SLC24A2: variants seen among roughly 807,000 people sequenced by gnomAD.
SLC24A2 encodes sodium/potassium/calcium exchanger 2.
SLC24A2 carries 36 observed loss-of-function variants against 62.0 expected under a neutral mutation model. The ratio of observed to expected loss-of-function variants is 0.58; its 90% CI spans 0.44 to 0.77. The LOEUF (loss-of-function observed/expected upper bound fraction) is 0.77, where lower values mean the gene tolerates loss of function less well. Among genes scored for constraint, SLC24A2 ranks in the 30% least tolerant of loss-of-function variants. The probability of loss-of-function intolerance (pLI) is 0.00; values close to 1 mark genes in which losing one functional copy is unlikely to be tolerated. For synonymous variants in SLC24A2, 358 were observed against 294.0 expected, an observed-to-expected ratio of 1.22 and a Z score of -2.23; for missense variants, 846 against 817.9, an observed-to-expected ratio of 1.03 and a Z score of -0.42.
chr9:20,280,627 G>A, the SLC24A2 span, among the ~76,000 whole-genome samples: 2 of 152,084 alleles, frequency 1.3e-5, no homozygotes, highest in Admixed American at 6.5e-5. Context: ...TATGAACTTG[G>A]GCCCCTGTAC....
the SLC24A2 span, among the ~76,000 whole-genome samples, chr9:20,004,092 A>G: frequency 6.6e-6 from 1 of 152,128 alleles, no homozygotes; most frequent in Non-Finnish European, 1.5e-5. Context: ...TCTTTCACAT[A>G]CAGAATACTG....
the SLC24A2 span, among the ~76,000 whole-genome samples, chr9:20,178,433 C>T: frequency 3.3e-5 from 5 of 152,152 alleles, no homozygotes; most frequent in Non-Finnish European, 5.9e-5. Context: ...TGCTCCCCCA[C>T]ATGTCAACAT....
the SLC24A2 span, among the ~76,000 whole-genome samples, chr9:20,051,657 C>CTTTTTTTTTTTTTTT: frequency 2.3e-3 from 167 of 73,482 alleles, 13 homozygotes; most frequent in African/African-American, 4.2e-3. Context: ...TTTTCTTTCT[C>CTTTTTTTTTTTTTTT]TTTTTTTTTT....
intron 10 of SLC24A2, 121 bp downstream of exon 10, chr9:19,520,773 A>G: frequency 1.1e-6 from 1 of 874,052 alleles, no homozygotes; most frequent in Non-Finnish European, 1.9e-6. Flanking sequence ...CTCAATCTTT[A>G]CTCTGTATTG....
In SLC24A2 at chr9:19,786,869, T is replaced by C; in HGVS notation, c.-3A>G. On this transcript the variant is annotated 5_prime_UTR_variant, in exon 2 of 11. Transcript: ENST00000341998. The surrounding 1 kb of genome is among the most constrained non-coding windows in gnomAD (Gnocchi z 5.0). ...GTGGTGCTTTGTTGCAGATCCATCC[T>C]GGGTCTTCTGGTGGATATGGTGATC... 6.2e-7 allele frequency: 1 copy of C among 1,607,426 alleles called. No individual in the cohort carries two copies. Among genetic ancestry groups the C allele is most frequent in the South Asian group, 1.1e-5 (1 of 91,040 alleles).
chr9:20,147,925 G>C, the SLC24A2 span, among the ~76,000 whole-genome samples: 4 of 152,132 alleles, frequency 2.6e-5, no homozygotes, highest in East Asian at 7.7e-4. Context: ...AGGAGGACTG[G>C]GAAAATTAAA....
chr9:19,873,755 G>C, the SLC24A2 span, among the ~76,000 whole-genome samples: 2 of 152,126 alleles, frequency 1.3e-5, no homozygotes, highest in African/African-American at 2.4e-5. Context: ...CCTACCCATA[G>C]TAATGGTGGG....
upstream of SLC24A2, among the ~76,000 whole-genome samples, chr9:19,789,077 C>G (rs915847397): frequency 6.6e-6 from 1 of 152,144 alleles, no homozygotes; most frequent in East Asian, 1.9e-4. Context: ...TGGCGCTGCC[C>G]GGCCCCCGCC....
chr9:20,085,142 A>T, the SLC24A2 span, among the ~76,000 whole-genome samples: 1 of 152,048 alleles, frequency 6.6e-6, no homozygotes. Flanking sequence ...ACTACAGGAG[A>T]GCACCACTAT....
chr9:19,716,865 C>T (rs1281865037), intron 2 of SLC24A2, among the ~76,000 whole-genome samples: 1 of 152,206 alleles, frequency 6.6e-6, no homozygotes, highest in African/African-American at 2.4e-5. Context: ...CCATCAATGG[C>T]ACTACTATAA....
At chr9:19,770,552 C>G (rs1368399198) in intron 2 of SLC24A2, among the ~76,000 whole-genome samples, 1 of 152,080 alleles carries the variant, frequency 6.6e-6, no homozygotes, top group Non-Finnish European at 1.5e-5. Flanking sequence ...GTGATCCATT[C>G]CTATTACCTT....
At chr9:19,767,243 G>C (rs900626464) in intron 2 of SLC24A2, among the ~76,000 whole-genome samples, 1 of 152,212 alleles carries the variant, frequency 6.6e-6, no homozygotes, top group African/African-American at 2.4e-5. Context: ...ATGGGTGTGG[G>C]ATCTGCTTAG....
At chr9:19,713,795 G>A (rs141655685) in intron 2 of SLC24A2, among the ~76,000 whole-genome samples, 6 of 151,902 alleles carry the variant, frequency 3.9e-5, no homozygotes, top group South Asian at 2.1e-4. Context: ...TTTTCCCCCC[G>A]ATGATTTGTT....
chr9:19,935,113 G>C, the SLC24A2 span, among the ~76,000 whole-genome samples: 7 of 151,460 alleles, frequency 4.6e-5, no homozygotes, highest in African/African-American at 1.5e-4. Flanking sequence ...GGGCAGGATG[G>C]GTGGAAAATA....
chr9:19,563,808 TCCTTCCTTCCTTCCTTCCTCCCTCCCTC>T (rs1835524768), intron 7 of SLC24A2, among the ~76,000 whole-genome samples: 1 of 83,644 alleles, frequency 1.2e-5, no homozygotes, highest in South Asian at 6.6e-4. Flanking sequence ...CTTCCTTCCT[TCCTTCCTTCCTTCCTTCCTCCCTCCCTC>T]CCTCCCTCCC....
At chr9:19,961,293 T>G in the SLC24A2 span, among the ~76,000 whole-genome samples, 1 of 152,086 alleles carries the variant, frequency 6.6e-6, no homozygotes, top group Non-Finnish European at 1.5e-5. Flanking sequence ...AGAGGCCAAA[T>G]CAAACTTGGC....
At chr9:20,032,987 C>T in the SLC24A2 span, among the ~76,000 whole-genome samples, 1 of 152,114 alleles carries the variant, frequency 6.6e-6, no homozygotes, top group African/African-American at 2.4e-5. Flanking sequence ...TCAAAAATAC[C>T]TTGGTGAATC....
At chr9:19,767,891 A>G (rs1219405194) in intron 2 of SLC24A2, among the ~76,000 whole-genome samples, 1 of 152,186 alleles carries the variant, frequency 6.6e-6, no homozygotes, top group Non-Finnish European at 1.5e-5. Context: ...GGAGGCTGCA[A>G]AGTCCAAGGT....
chr9:20,026,841 T>G, the SLC24A2 span, among the ~76,000 whole-genome samples: 7 of 152,054 alleles, frequency 4.6e-5, no homozygotes, highest in Non-Finnish European at 7.4e-5. Flanking sequence ...TATGTCAACC[T>G]AAAAAGCTTC....
Sources: gnomAD v4.1 joint callset for allele counts (sites outside exome capture counted in the v4.1 genomes callset) on GRCh38, gnomAD v4.1.1 for gene constraint, Gnocchi (gnomAD v3.1) non-coding constraint, MANE v1.5 for transcripts, NCBI Gene and HGNC (gene_info 2026-07-23, HGNC 2026-07-21) for gene names.